TGFA: variants seen among roughly 807,000 people sequenced by gnomAD.
The protein encoded by TGFA is protransforming growth factor alpha.
A neutral mutation model predicts 21.7 loss-of-function variants in TGFA; 12 were observed. The ratio of observed to expected loss-of-function variants is 0.55; its 90% CI spans 0.35 to 0.90. TGFA has a LOEUF of 0.90. Ranked by LOEUF, TGFA falls within the 40% of genes least tolerant of loss-of-function variation. The probability of loss-of-function intolerance (pLI) is 0.01; values close to 1 mark genes in which losing one functional copy is unlikely to be tolerated. For synonymous variants in TGFA, 79 were observed against 88.1 expected, an observed-to-expected ratio of 0.90 and a Z score of 0.58; for missense variants, 178 against 210.8, an observed-to-expected ratio of 0.84 and a Z score of 0.96.
chr2:70,462,701 C>T (rs1033691576), intron 3 of TGFA, among the ~76,000 whole-genome samples: 1 of 152,136 alleles, frequency 6.6e-6, no homozygotes, highest in Admixed American at 6.5e-5. Context: ...CTAAGAACAG[C>T]GTGGCTCACT....
intron 2 of TGFA, among the ~76,000 whole-genome samples, chr2:70,493,118 T>C (rs1671483156): frequency 6.6e-6 from 1 of 152,184 alleles, no homozygotes; most frequent in Non-Finnish European, 1.5e-5. Context: ...GATGAAAGAA[T>C]GTACATGATA....
At chr2:70,499,077 T>C (rs782170025) in intron 2 of TGFA, among the ~76,000 whole-genome samples, 1 of 152,154 alleles carries the variant, frequency 6.6e-6, no homozygotes, top group Non-Finnish European at 1.5e-5. Flanking sequence ...TTCTACTCAA[T>C]GGTCCTCAAA....
chr2:70,459,290 T>C (rs1192563372), intron 3 of TGFA, among the ~76,000 whole-genome samples: 5 of 152,308 alleles, frequency 3.3e-5, no homozygotes, highest in African/African-American at 1.2e-4. Flanking sequence ...ACACATAACA[T>C]TCACTGCAAG....
chr2:70,550,345 GCA>G (rs782278462), intron 1 of TGFA, among the ~76,000 whole-genome samples: 5 of 151,928 alleles, frequency 3.3e-5, no homozygotes, highest in South Asian at 2.1e-4. Flanking sequence ...TGTGAGGTGG[GCA>G]CAGTTTTATT....
chr2:70,466,189 G>GAT (rs1670554726), intron 2 of TGFA, among the ~76,000 whole-genome samples: 2 of 152,224 alleles, frequency 1.3e-5, no homozygotes, highest in African/African-American at 4.8e-5. Flanking sequence ...AGGTGCTTAT[G>GAT]ATATACAGTA....
At chr2:70,549,024 C>T (rs1010669328) in intron 1 of TGFA, among the ~76,000 whole-genome samples, 1 of 152,052 alleles carries the variant, frequency 6.6e-6, no homozygotes, top group East Asian at 1.9e-4. Flanking sequence ...ACATATTAGC[C>T]CTTTAGCAAA....
intron 3 of TGFA, among the ~76,000 whole-genome samples, chr2:70,462,381 A>G (rs955107763): frequency 1.3e-5 from 2 of 152,254 alleles, no homozygotes; most frequent in Admixed American, 6.5e-5. Context: ...GGCTGAACAC[A>G]TGCAAGCCCC....
intron 1 of TGFA, among the ~76,000 whole-genome samples, chr2:70,515,623 C>A (rs551374882): frequency 6.6e-5 from 10 of 152,126 alleles, no homozygotes; most frequent in Non-Finnish European, 8.8e-5. Context: ...GTACTAGGTA[C>A]CTGGATCAGG....
At chr2:70,474,969 C>CGTGTGT (rs57147767) in intron 2 of TGFA, among the ~76,000 whole-genome samples, 19,645 of 147,550 alleles carry the variant, frequency 0.13, 1,405 homozygotes, top group Admixed American at 0.23. Flanking sequence ...ACACAGCAGC[C>CGTGTGT]GTGTGTGTGT....
In TGFA at chr2:70,511,890, T is replaced by TACACACACAC. The variant is rs36084203; in HGVS notation, c.94+2959_94+2968dup. Among the ~76,000 whole-genome samples the TACACACACAC allele has an allele frequency of 2.8e-3, 407 of 143,038 alleles. 2 individuals are homozygous for TACACACACAC. Among genetic ancestry groups the TACACACACAC allele is most frequent in the African/African-American group, 8.4e-3 (327 of 38,932 alleles). The allele number at this position is 143,038 out of a possible 152,430, so 93.8% of individuals were successfully genotyped here. On this transcript the variant is annotated intron_variant, in intron 2 of 5. Coordinates refer to ENST00000295400, the MANE Select transcript of TGFA (RefSeq NM_003236.4). ...GAGAGTTTTACTTATTAGTCATGAA[T>TACACACACAC]ACACACACACACACACACACACACA...
At chr2:70,552,178 T>C (rs1041600769) in intron 1 of TGFA, among the ~76,000 whole-genome samples, 7 of 144,818 alleles carry the variant, frequency 4.8e-5, no homozygotes, top group African/African-American at 7.7e-5. Flanking sequence ...TCCAGTTACT[T>C]ACTGTGGACC....
At chr2:70,553,553 C>G (rs1227694127) in intron 1 of TGFA, 175 bp downstream of exon 1, 1 of 1,352,276 alleles carries the variant, frequency 7.4e-7, no homozygotes, top group Non-Finnish European at 9.5e-7. Flanking sequence ...GGACAGTCCC[C>G]TCTTTGTCAT....
chr2:70,491,456 C>T (rs1379693990), intron 2 of TGFA, among the ~76,000 whole-genome samples: 1 of 152,240 alleles, frequency 6.6e-6, no homozygotes, highest in Non-Finnish European at 1.5e-5. Flanking sequence ...AAGCCCACTC[C>T]ACTCAAGATG....
At chr2:70,504,479 T>TACACACACAC (rs1361394841) in intron 2 of TGFA, among the ~76,000 whole-genome samples, 8 of 87,274 alleles carry the variant, frequency 9.2e-5, no homozygotes, top group South Asian at 6.9e-4. Context: ...CATACATACA[T>TACACACACAC]ACATACACAC....
intron 2 of TGFA, among the ~76,000 whole-genome samples, chr2:70,513,210 C>T (rs1559128631): frequency 6.6e-6 from 1 of 152,082 alleles, no homozygotes; most frequent in African/African-American, 2.4e-5. Context: ...GTAAGTGTTG[C>T]TAGAGTATCA....
At chr2:70,487,256 A>C (rs979752657) in intron 2 of TGFA, among the ~76,000 whole-genome samples, 13 of 152,338 alleles carry the variant, frequency 8.5e-5, no homozygotes, top group Admixed American at 7.8e-4. Flanking sequence ...ACAGGGAATA[A>C]AACGATACTA....
At chr2:70,510,561 C>CA (rs1258802985) in intron 2 of TGFA, among the ~76,000 whole-genome samples, 17 of 151,938 alleles carry the variant, frequency 1.1e-4, no homozygotes, top group African/African-American at 3.1e-4. Context: ...CAAAAAAACT[C>CA]AAAAAAACCC....
In TGFA at chr2:70,448,966, G is replaced by A. The variant is rs3732253; in HGVS notation, c.*1893C>T. On this transcript the variant is annotated 3_prime_UTR_variant, in exon 6 of 6. Transcript: ENST00000295400. ...GATAGAGGTCTAAAAACCAGTGTCC[G>A]TTGATTGGTCTCTAAGCAGGATGCT... 34,031 of 152,122 alleles carry A rather than the reference G, an allele frequency of 0.22. 4,293 individuals carry two copies. Among genetic ancestry groups the A allele is most frequent in the East Asian group, 0.3 (1,544 of 5,178 alleles). The allele number at this position is 152,122 out of a possible 1,614,324, so 9.4% of individuals were successfully genotyped here.
chr2:70,457,376 A>G (rs1201940045), intron 3 of TGFA, among the ~76,000 whole-genome samples: 2 of 152,064 alleles, frequency 1.3e-5, no homozygotes, highest in Non-Finnish European at 2.9e-5. Context: ...TTTTACAGGC[A>G]TCCCCTCACC....
Sources: gnomAD v4.1 joint callset for allele counts (sites outside exome capture counted in the v4.1 genomes callset) on GRCh38, gnomAD v4.1.1 for gene constraint, MANE v1.5 for transcripts, NCBI Gene and HGNC (gene_info 2026-07-23, HGNC 2026-07-21) for gene names.